The following FRAS1 variants were observed in gnomAD, a reference collection of about 807,000 sequenced individuals.
FRAS1 encodes the protein extracellular matrix organizing protein FRAS1.
In FRAS1, 290 loss-of-function variants were observed where a neutral mutation model predicts 435.2. The ratio of observed to expected loss-of-function variants is 0.67; its 90% CI spans 0.61 to 0.73. The LOEUF (loss-of-function observed/expected upper bound fraction) is 0.73, where lower values mean the gene tolerates loss of function less well. FRAS1 is among the 30% of genes least tolerant of loss of function. FRAS1 has a pLI of 0.00. For missense variants in FRAS1, 4,860 were observed against 5,001.5 expected (o/e 0.97, Z 0.85); for synonymous variants, 1,800 against 1,851.0 (o/e 0.97, Z 0.71).
chr4:78,283,714 T>G (rs1371074397), intron 12 of FRAS1, among the ~76,000 whole-genome samples: 1 of 152,208 alleles, frequency 6.6e-6, no homozygotes, highest in Non-Finnish European at 1.5e-5. Context: ...GTGAAGAGTT[T>G]ATCAAGGAAA....
intron 57 of FRAS1, 115 bp from the exon 58 acceptor site, chr4:78,482,273 A>C: frequency 8.2e-7 from 1 of 1,215,444 alleles, no homozygotes; most frequent in Non-Finnish European, 1.2e-6. Context: ...TATGGATTAG[A>C]AAATCTTACT....
intron 14 of FRAS1, among the ~76,000 whole-genome samples, chr4:78,307,592 T>A (rs550335416): frequency 1.3e-5 from 2 of 152,362 alleles, no homozygotes; most frequent in Admixed American, 1.3e-4. Flanking sequence ...AAAAGCGCAG[T>A]ATTCGGGTGG....
chr4:78,302,917 C>T (rs1222254807), intron 14 of FRAS1, among the ~76,000 whole-genome samples: 1 of 152,174 alleles, frequency 6.6e-6, no homozygotes, highest in African/African-American at 2.4e-5. Flanking sequence ...GTGTTTTAGA[C>T]ATGAAGTCCT....
chr4:78,470,313 C>G (rs887415282), intron 51 of FRAS1, among the ~76,000 whole-genome samples: 1 of 152,068 alleles, frequency 6.6e-6, no homozygotes, highest in Non-Finnish European at 1.5e-5. Context: ...TGAAAAGACC[C>G]CAAAATATAG....
chr4:78,085,604 G>C (rs916547634), intron 2 of FRAS1, among the ~76,000 whole-genome samples: 13 of 152,096 alleles, frequency 8.5e-5, no homozygotes, highest in African/African-American at 3.1e-4. Context: ...AGGAAGGAGA[G>C]GTGCCTGGAA....
At chr4:78,062,637 A>G (rs1739808906) in intron 1 of FRAS1, among the ~76,000 whole-genome samples, 1 of 152,172 alleles carries the variant, frequency 6.6e-6, no homozygotes, top group Admixed American at 6.5e-5. Context: ...TTTCTCCAAA[A>G]ATACTAGATT....
intron 47 of FRAS1, among the ~76,000 whole-genome samples, chr4:78,460,584 C>T (rs138065233): frequency 6.6e-6 from 1 of 152,290 alleles, no homozygotes; most frequent in East Asian, 1.9e-4. Context: ...CTGAGAAATG[C>T]ATTGTCAGGC....
chr4:78,475,668 T>A, intron 54 of FRAS1, 62 bp downstream of exon 54: 1 of 1,438,644 alleles, frequency 7.0e-7, no homozygotes, highest in Non-Finnish European at 9.2e-7. Context: ...CTGCAAGCAA[T>A]TGTGGCACTT....
At chr4:78,062,148 C>T (rs1319209820) in intron 1 of FRAS1, among the ~76,000 whole-genome samples, 1 of 152,138 alleles carries the variant, frequency 6.6e-6, no homozygotes, top group Non-Finnish European at 1.5e-5. Flanking sequence ...ACTGTACTCA[C>T]ACAAGTAGTC....
At chr4:78,223,440 A>C (rs1724137735) in intron 2 of FRAS1, among the ~76,000 whole-genome samples, 1 of 152,174 alleles carries the variant, frequency 6.6e-6, no homozygotes, top group African/African-American at 2.4e-5. Context: ...AAAAATAAGG[A>C]AAGTAAAATG....
At chr4:78,370,988 G>C (rs943421017) in intron 23 of FRAS1, among the ~76,000 whole-genome samples, 8 of 151,894 alleles carry the variant, frequency 5.3e-5, no homozygotes, top group Non-Finnish European at 1.0e-4. Flanking sequence ...ATGCTTTAAG[G>C]CTCTGCAAAA....
intron 71 of FRAS1, among the ~76,000 whole-genome samples, chr4:78,535,326 A>G (rs12639828): frequency 0.43 from 65,935 of 151,828 alleles, 15,007 homozygotes; most frequent in East Asian, 0.79. Flanking sequence ...TTACACTCCT[A>G]CTGTTCTGCG....
chr4:78,396,550 A>G lies in FRAS1; in HGVS notation c.3976-4184A>G, dbSNP rs1198234178. 1.1e-4 allele frequency among the ~76,000 whole-genome samples: 16 copies of G among 152,330 alleles called. No homozygotes were observed. In the South Asian group the frequency reaches 2.7e-3, roughly 26 times the overall value. On this transcript the variant is annotated intron_variant, in intron 29 of 73. Transcript: ENST00000512123. ...TTTCTCTAAGTGTTTCGAATATATC[A>G]TCTCATTCTGTCAGAAAACAACAAG...
chr4:78,084,981 T>A (rs745821233), intron 2 of FRAS1, among the ~76,000 whole-genome samples: 2 of 152,152 alleles, frequency 1.3e-5, no homozygotes, highest in Admixed American at 1.3e-4. Flanking sequence ...CCAATGACAC[T>A]AATATAATTA....
At position 78,473,453 on chromosome 4, in the gene FRAS1, G is replaced by C; in HGVS notation, c.7538G>C (p.Gly2513Ala). ...TTTCTCACAGAGGATGTGAACTTGG[G>C]GTTGATTCGTTATGTGTTGCACAAG... is the stretch of plus-strand genomic sequence containing the variant. The part of the protein sequence containing the change: ...ATFTQEDVNL[G>A]LIRYVLHKEK... Residue 2513 changes from glycine to alanine, a missense_variant, in exon 53 of 74, where the codon GGG (glycine) becomes GCG (alanine). Transcript: ENST00000512123. The C allele has an allele frequency of 6.2e-7, 1 of 1,612,374 alleles. No homozygotes were observed. Among genetic ancestry groups the C allele is most frequent in the Non-Finnish European group, 8.5e-7 (1 of 1,179,076 alleles).
chr4:78,468,735 C>T (rs1314331066), intron 50 of FRAS1, among the ~76,000 whole-genome samples: 1 of 152,160 alleles, frequency 6.6e-6, no homozygotes, highest in Non-Finnish European at 1.5e-5. Context: ...GGAAAAACTT[C>T]AATTCTGGTG....
chr4:78,438,585 G>A lies in FRAS1; in HGVS notation c.5233G>A (p.Asp1745Asn). 4 of 1,613,718 alleles carry A rather than the reference G, an allele frequency of 2.5e-6. No homozygotes were observed. The highest frequency in any genetic ancestry group is 1.7e-5 in the Admixed American group (1 of 59,990). Residue 1745 changes from aspartate to asparagine, a missense_variant, in exon 39 of 74, where the codon GAC becomes AAC. By Grantham distance (23) the Asp-to-Asn change is conservative (BLOSUM62 1). Coordinates refer to ENST00000512123, the MANE Select transcript of FRAS1 (RefSeq NM_025074.7). ...HLAYVDDSSP[D>N]PEIWIQLNYL... ...GCCTCATTAGGATGATTCTTCCCCC[G>A]ACCCAGAGATCTGGATTCAGTTAAA...
intron 33 of FRAS1, among the ~76,000 whole-genome samples, chr4:78,420,183 G>A (rs912287078): frequency 2.0e-5 from 3 of 152,184 alleles, no homozygotes; most frequent in Non-Finnish European, 1.5e-5. Context: ...ATGTAATCCT[G>A]TCACATTATG....
intron 2 of FRAS1, among the ~76,000 whole-genome samples, chr4:78,198,575 G>C (rs1443087534): frequency 2.0e-5 from 3 of 152,190 alleles, no homozygotes; most frequent in Non-Finnish European, 4.4e-5. Flanking sequence ...CTGGTTCATA[G>C]CTTGCTGCTG....
Sources: gnomAD v4.1 joint callset for allele counts (sites outside exome capture counted in the v4.1 genomes callset) on GRCh38, gnomAD v4.1.1 for gene constraint, MANE v1.5 for transcripts, NCBI Gene and HGNC (gene_info 2026-07-23, HGNC 2026-07-21) for gene names.